The following ANKS1B variants were observed in gnomAD, a reference collection of about 807,000 sequenced individuals.
ANKS1B encodes ankyrin repeat and sterile alpha motif domain-containing protein 1B.
In ANKS1B, 36 loss-of-function variants were observed where a neutral mutation model predicts 148.3. The ratio of observed to expected loss-of-function variants is 0.24; its 90% CI spans 0.19 to 0.32. The LOEUF (loss-of-function observed/expected upper bound fraction) is 0.32. Ranked by LOEUF, ANKS1B falls within the 10% of genes least tolerant of loss-of-function variation. ANKS1B has a pLI of 1.00. For missense variants in ANKS1B, 1,157 were observed against 1,542.6 expected (o/e 0.75, Z 4.19); for synonymous variants, 542 against 560.8 (o/e 0.97, Z 0.47).
chr12:99,747,767 A>T (rs1331555759), intron 8 of ANKS1B, among the ~76,000 whole-genome samples: 4 of 152,000 alleles, frequency 2.6e-5, no homozygotes, highest in Non-Finnish European at 2.9e-5. Flanking sequence ...CACTTAACTA[A>T]GCCCTACCTT....
chr12:99,455,007 T>C (rs2095822037), intron 10 of ANKS1B, among the ~76,000 whole-genome samples: 1 of 152,242 alleles, frequency 6.6e-6, no homozygotes, highest in Admixed American at 6.5e-5. Flanking sequence ...TCTGTTTTAC[T>C]AATGCACTTG....
chr12:99,888,585 G>A (rs930558320), intron 1 of ANKS1B, among the ~76,000 whole-genome samples: 7 of 152,102 alleles, frequency 4.6e-5, no homozygotes, highest in Non-Finnish European at 1.0e-4. Flanking sequence ...GCACTGCATA[G>A]AAATATGTAG....
chr12:98,910,626 T>G (rs201408), intron 17 of ANKS1B, among the ~76,000 whole-genome samples: 23,188 of 152,166 alleles, frequency 0.15, 2,111 homozygotes, highest in Non-Finnish European at 0.21. Context: ...TAAACCAATA[T>G]GTAAATCAGC....
At chr12:99,676,513 T>G (rs868098612) in intron 8 of ANKS1B, among the ~76,000 whole-genome samples, 4 of 152,208 alleles carry the variant, frequency 2.6e-5, no homozygotes, top group Non-Finnish European at 5.9e-5. Context: ...GAGGCAATCC[T>G]AAGAATTTAA....
chr12:98,950,177 T>C (rs1180720909), intron 17 of ANKS1B, among the ~76,000 whole-genome samples: 1 of 152,290 alleles, frequency 6.6e-6, no homozygotes, highest in Middle Eastern at 3.4e-3. Context: ...AATGACGCAT[T>C]GAAGGATGTC....
chr12:99,435,069 A>G (rs2095437534), intron 11 of ANKS1B, among the ~76,000 whole-genome samples: 2 of 152,136 alleles, frequency 1.3e-5, no homozygotes, highest in South Asian at 4.1e-4. Flanking sequence ...TCATCAAATG[A>G]ATAGAAATGA....
At chr12:98,780,261 C>G (rs998206127) in intron 24 of ANKS1B, among the ~76,000 whole-genome samples, 1 of 152,192 alleles carries the variant, frequency 6.6e-6, no homozygotes, top group Non-Finnish European at 1.5e-5. Flanking sequence ...TGGTGATCAC[C>G]TCTTTTACCC....
intron 12 of ANKS1B, among the ~76,000 whole-genome samples, chr12:99,291,845 A>T (rs770285045): frequency 6.6e-6 from 1 of 152,220 alleles, no homozygotes; most frequent in African/African-American, 2.4e-5. Context: ...AGCCTCAAAA[A>T]TAACACCACA....
intron 22 of ANKS1B, among the ~76,000 whole-genome samples, chr12:98,785,451 C>T (rs1006416767): frequency 6.6e-6 from 1 of 151,866 alleles, no homozygotes; most frequent in Non-Finnish European, 1.5e-5. Flanking sequence ...GCCTGGGCAA[C>T]AGAGTGAGAC....
At chr12:99,713,509 A>G (rs1363699059) in intron 8 of ANKS1B, among the ~76,000 whole-genome samples, 1 of 152,160 alleles carries the variant, frequency 6.6e-6, no homozygotes, top group African/African-American at 2.4e-5. Context: ...TGGATTTCCA[A>G]GCAAATTTCC....
At chr12:98,926,257 A>C (rs2152935118) in intron 17 of ANKS1B, among the ~76,000 whole-genome samples, 1 of 152,290 alleles carries the variant, frequency 6.6e-6, no homozygotes, top group Admixed American at 6.5e-5. Context: ...CATTTAAGGA[A>C]ATCTGTTCAA....
At chr12:98,915,965 G>T (rs555785797) in intron 17 of ANKS1B, among the ~76,000 whole-genome samples, 6 of 152,214 alleles carry the variant, frequency 3.9e-5, no homozygotes, top group African/African-American at 1.2e-4. Flanking sequence ...GGTTGAGGGG[G>T]ATCTCCGGAG....
intron 9 of ANKS1B, among the ~76,000 whole-genome samples, chr12:99,531,857 C>A (rs1475879830): frequency 6.6e-6 from 1 of 152,150 alleles, no homozygotes; most frequent in East Asian, 1.9e-4. Context: ...GCATCTGAAC[C>A]AACATCTATT....
chr12:99,095,029 G>GC (rs921147999), intron 15 of ANKS1B, among the ~76,000 whole-genome samples: 5 of 18,546 alleles, frequency 2.7e-4, no homozygotes, highest in African/African-American at 1.0e-3. Flanking sequence ...GTCTCACTGG[G>GC]GGGGGGGTCA....
At chr12:99,904,479 A>G (rs2093712106) in intron 1 of ANKS1B, among the ~76,000 whole-genome samples, 1 of 152,210 alleles carries the variant, frequency 6.6e-6, no homozygotes, top group Non-Finnish European at 1.5e-5. Flanking sequence ...GACATGAGCC[A>G]CTGTGCCCAG....
At chr12:99,577,422 C>A (rs1470362617) in intron 9 of ANKS1B, among the ~76,000 whole-genome samples, 1 of 151,084 alleles carries the variant, frequency 6.6e-6, no homozygotes, top group African/African-American at 2.4e-5. Context: ...AAAATCCATA[C>A]TAAAGATCAA....
intron 17 of ANKS1B, among the ~76,000 whole-genome samples, chr12:98,978,334 C>T (rs1195226443): frequency 6.6e-6 from 1 of 151,374 alleles, no homozygotes. Flanking sequence ...ATTTATTTAC[C>T]TAATTTTAGT....
intron 9 of ANKS1B, among the ~76,000 whole-genome samples, chr12:99,565,488 G>T (rs1473765474): frequency 1.3e-5 from 2 of 152,160 alleles, no homozygotes; most frequent in Non-Finnish European, 2.9e-5. Context: ...AGTCACAGGG[G>T]TCACTGTTTC....
chr12:98,880,760 T>C (rs2099705503), intron 17 of ANKS1B, among the ~76,000 whole-genome samples: 1 of 151,516 alleles, frequency 6.6e-6, no homozygotes. Context: ...ACAGCGAGAC[T>C]CCGTCTCAAA....
Sources: allele counts gnomAD v4.1 joint callset (sites outside exome capture counted in the v4.1 genomes callset), GRCh38; gene constraint gnomAD v4.1.1; transcripts MANE v1.5; gene names NCBI Gene and HGNC (gene_info 2026-07-23, HGNC 2026-07-21).